TLL2: variants seen among roughly 807,000 people sequenced by gnomAD.
TLL2 encodes tolloid like 2.
TLL2 carries 106 observed loss-of-function variants against 123.0 expected under a neutral mutation model. That is an observed-to-expected ratio of 0.86 (90% confidence interval 0.74 to 1.01). The LOEUF (loss-of-function observed/expected upper bound fraction) is 1.01, where lower values mean the gene tolerates loss of function less well. Ranked by LOEUF, TLL2 falls within the 50% of genes least tolerant of loss-of-function variation. The pLI is 0.00. For missense variants in TLL2, 1,332 were observed against 1,336.7 expected (o/e 1.00, Z 0.06); for synonymous variants, 494 against 516.8 (o/e 0.96, Z 0.60).
chr10:96,382,193 CTTA>C (rs1445953525), intron 16 of TLL2, among the ~76,000 whole-genome samples: 1 of 152,188 alleles, frequency 6.6e-6, no homozygotes, highest in East Asian at 1.9e-4. Flanking sequence ...GCGCGCCCAG[CTTA>C]TTTTTTGCAT....
In TLL2 at chr10:96,370,196, C is replaced by A; in HGVS notation, c.2782G>T (p.Gly928Cys). Reference sequence around the variant, plus strand: ...CGGAATGTCAGCTCCACGCCGTAGCCGTCCTCTGCCACGATCACCCAGTCA... The same window carrying A: ...CGGAATGTCAGCTCCACGCCGTAGCAGTCCTCTGCCACGATCACCCAGTCA... ...RCDWVIVAED[G>C]YGVELTFRTF... The change falls in exon 20 of 21, where the codon GGC becomes TGC. Residue 928 changes from glycine to cysteine, a missense_variant. Gly to Cys is a radical substitution (Grantham distance 159). Transcript: ENST00000357947. 6.2e-7 allele frequency: 1 copy of A among 1,614,098 alleles called. No individual in the cohort carries two copies. The highest frequency in any genetic ancestry group is 8.5e-7 in the Non-Finnish European group (1 of 1,179,964).
At chr10:96,390,832 C>T (rs1846280416) in intron 13 of TLL2, among the ~76,000 whole-genome samples, 1 of 152,342 alleles carries the variant, frequency 6.6e-6, no homozygotes, top group Admixed American at 6.5e-5. Context: ...GCACCTGAAA[C>T]GCAGTTGGTC....
intron 2 of TLL2, among the ~76,000 whole-genome samples, chr10:96,448,200 G>A (rs548742036): frequency 1.3e-5 from 2 of 152,300 alleles, no homozygotes; most frequent in Admixed American, 6.5e-5. Flanking sequence ...TGGCCAACCC[G>A]GAATCCACTC....
chr10:96,506,436 C>G (rs777293503), intron 1 of TLL2, among the ~76,000 whole-genome samples: 2 of 151,554 alleles, frequency 1.3e-5, no homozygotes, highest in Non-Finnish European at 1.5e-5. Context: ...GGGGAGTGCC[C>G]TGAGAATGGC....
chr10:96,427,704 T>C (rs1846691458), intron 5 of TLL2, among the ~76,000 whole-genome samples: 1 of 152,274 alleles, frequency 6.6e-6, no homozygotes, highest in Admixed American at 6.5e-5. Flanking sequence ...TCTTTCCTTT[T>C]ACTTTTAAAC....
intron 20 of TLL2, among the ~76,000 whole-genome samples, chr10:96,369,239 T>C (rs1846055309): frequency 6.6e-6 from 1 of 152,242 alleles, no homozygotes; most frequent in Middle Eastern, 3.4e-3. Context: ...AAGCACCAAC[T>C]ATATGCCAAG....
chr10:96,396,095 C>G (rs150716759), intron 11 of TLL2, 75 bp from the exon 12 acceptor site: 2 of 1,549,260 alleles, frequency 1.3e-6, no homozygotes, highest in Non-Finnish European at 1.8e-6. Context: ...GTTGGGGAGG[C>G]GGGGGGAACA....
chr10:96,396,113 C>T (rs1846337582), intron 11 of TLL2, 93 bp from the exon 12 acceptor site: 1 of 1,498,268 alleles, frequency 6.7e-7, no homozygotes, highest in Non-Finnish European at 9.0e-7. Flanking sequence ...ACAGCGCTTG[C>T]CACCACTAGG....
At position 96,410,344 on chromosome 10, in the gene TLL2, G is replaced by T. The variant is rs761397493; in HGVS notation, c.1164+15C>A. Reference sequence around the variant, plus strand: ...AGGAGTGCCGTCCCATTTGCCAAGGGGGCTTCCCACCTACCTTTTCCCCTG... The same window carrying T: ...AGGAGTGCCGTCCCATTTGCCAAGGTGGCTTCCCACCTACCTTTTCCCCTG... On this transcript the variant is annotated intron_variant, in intron 9 of 20. Coordinates refer to ENST00000357947, the MANE Select transcript of TLL2 (RefSeq NM_012465.4). The T allele has an allele frequency of 1.9e-6, 3 of 1,603,448 alleles. No individual in the cohort carries two copies. The highest frequency in any genetic ancestry group is 2.6e-6 in the Non-Finnish European group (3 of 1,172,104).
In TLL2 at chr10:96,476,248, T is replaced by TTTTTTTTG. The variant is rs1285354320; in HGVS notation, c.286+4100_286+4101insCAAAAAAA. Among the ~76,000 whole-genome samples the TTTTTTTTG allele has an allele frequency of 2.6e-3, 183 of 69,158 alleles. 8 individuals are homozygous for TTTTTTTTG. Among genetic ancestry groups the TTTTTTTTG allele is most frequent in the South Asian group, 7.7e-3 (16 of 2,076 alleles). 45.4% of individuals were successfully genotyped at this position (69,158 alleles called of 152,430 possible). ...TATATATATATATATATATTTTATT[T>TTTTTTTTG]TTGTTGTTGTTGTTGTTGTTGAGAC... On this transcript the variant is annotated intron_variant, in intron 2 of 20. Coordinates refer to ENST00000357947, the MANE Select transcript of TLL2 (RefSeq NM_012465.4).
intron 3 of TLL2, among the ~76,000 whole-genome samples, chr10:96,442,649 C>A (rs1289759947): frequency 6.6e-6 from 1 of 152,228 alleles, no homozygotes; most frequent in Non-Finnish European, 1.5e-5. Flanking sequence ...GACTAGGGCA[C>A]TGCTATCATC....
intron 1 of TLL2, 109 bp from the exon 2 acceptor site, chr10:96,480,568 C>T: frequency 1.2e-6 from 1 of 808,904 alleles, no homozygotes; most frequent in East Asian, 2.4e-5. Context: ...TTGGAAAAGA[C>T]AGCCCATCCA....
intron 7 of TLL2, 48 bp from the exon 8 acceptor site, chr10:96,413,364 C>T: frequency 6.3e-7 from 1 of 1,593,486 alleles, no homozygotes; most frequent in Non-Finnish European, 8.6e-7. Flanking sequence ...GGCCATCAGG[C>T]TGTCTGTGCT....
chr10:96,430,842 A>C (rs1233170095), intron 4 of TLL2, among the ~76,000 whole-genome samples: 1 of 152,146 alleles, frequency 6.6e-6, no homozygotes, highest in Non-Finnish European at 1.5e-5. Context: ...TGATCATGCC[A>C]CTGCACTGCA....
chr10:96,503,699 C>T (rs538704369), intron 1 of TLL2, among the ~76,000 whole-genome samples: 63 of 152,258 alleles, frequency 4.1e-4, no homozygotes, highest in African/African-American at 1.4e-3. Context: ...GGAACAGAGA[C>T]GGGGACAGGT....
intron 2 of TLL2, among the ~76,000 whole-genome samples, chr10:96,473,055 C>A (rs750959160): frequency 6.6e-6 from 1 of 151,914 alleles, no homozygotes; most frequent in Non-Finnish European, 1.5e-5. Context: ...TCAGCCCCCC[C>A]CAATCAGATG....
chr10:96,367,722 A>G lies in TLL2; in HGVS notation c.*366T>C. On this transcript the variant is annotated 3_prime_UTR_variant, in exon 21 of 21. Transcript: ENST00000357947. ...AGACAGCCTGGCACCTTTGCAAGCA[A>G]GTCCAGATTAGAGGAACGGCCAACC... The G allele has an allele frequency of 5.4e-6, 1 of 184,408 alleles. No individual in the cohort carries two copies. Among genetic ancestry groups the G allele is most frequent in the Non-Finnish European group, 1.2e-5 (1 of 86,740 alleles). The allele number at this position is 184,408 out of a possible 1,614,324, so 11.4% of individuals were successfully genotyped here. A position where few individuals can be genotyped will look rare whatever the true frequency, so the allele number is the denominator to read the frequency against.
At position 96,365,247 on chromosome 10, in the gene TLL2, G is replaced by GA. The variant is rs1400097289; in HGVS notation, c.*2840dup. The GA allele has an allele frequency of 2.0e-5, 3 of 152,222 alleles. No individual in the cohort carries two copies. Among genetic ancestry groups the GA allele is most frequent in the African/African-American group, 7.2e-5 (3 of 41,460 alleles). 9.4% of individuals were successfully genotyped at this position (152,222 alleles called of 1,614,324 possible). ...GAAATTGTAAAGTAGAAATAAAAAG[G>GA]AAACTTCACCTTACAGGTAAATACC... On this transcript the variant is annotated 3_prime_UTR_variant, in exon 21 of 21. Coordinates refer to ENST00000357947, the MANE Select transcript of TLL2 (RefSeq NM_012465.4).
intron 2 of TLL2, among the ~76,000 whole-genome samples, chr10:96,454,295 G>T (rs1564910389): frequency 6.6e-6 from 1 of 152,208 alleles, no homozygotes; most frequent in African/African-American, 2.4e-5. Flanking sequence ...CCATTCTCTA[G>T]TCAAGATCAC....
Sources: gnomAD v4.1 joint callset for allele counts (sites outside exome capture counted in the v4.1 genomes callset) on GRCh38, gnomAD v4.1.1 for gene constraint, MANE v1.5 for transcripts, NCBI Gene and HGNC (gene_info 2026-07-23, HGNC 2026-07-21) for gene names.